Variants in RABGGTB observed in about 807,000 individuals in gnomAD.
RABGGTB encodes Rab geranylgeranyltransferase subunit beta.
A neutral mutation model predicts 44.5 loss-of-function variants in RABGGTB; 20 were observed. The observed-to-expected ratio is 0.45, with a 90% CI of 0.32 to 0.65. The LOEUF is 0.65. RABGGTB is among the 30% of genes least tolerant of loss of function. The pLI, the probability that RABGGTB is intolerant of heterozygous loss-of-function variation, is 0.05. For synonymous variants in RABGGTB, 128 were observed against 136.7 expected (o/e 0.94, Z 0.44); for missense variants, 302 against 398.7 (o/e 0.76, Z 2.06).
intron 4 of RABGGTB, 177 bp downstream of exon 4, chr1:75,790,234 A>G (rs1649613656): frequency 7.4e-7 from 1 of 1,342,460 alleles, no homozygotes. Context: ...ATCAGCATAT[A>G]CAGGAGCACT....
At position 75,792,377 on chromosome 1, in the gene RABGGTB, T is replaced by A; in HGVS notation, c.705+71T>A. The A allele has an allele frequency of 1.0e-5, 16 of 1,572,850 alleles. No homozygotes were observed. In the South Asian group the frequency reaches 1.7e-4, roughly 17 times the overall value. ...GAATGCTGCTGCTTTGTCTTGCCTG[T>A]TTCTATATTGTAAATTGGCCATGAG... On this transcript the variant is annotated intron_variant, in intron 7 of 8. Coordinates refer to ENST00000319942, the MANE Select transcript of RABGGTB (RefSeq NM_004582.4).
Position 75,792,246 on chromosome 1 carries a change from T to C in RABGGTB, c.645T>C (p.Leu215=). The C allele has an allele frequency of 6.2e-7, 1 of 1,614,144 alleles. No homozygotes were observed. The highest frequency in any genetic ancestry group is 8.5e-7 in the Non-Finnish European group (1 of 1,179,988). The stretch of plus-strand genomic sequence containing the variant: ...TGCATCAAGTAAATTCTGATTTACT[T>C]GGCTGGTGGCTTTGTGAACGACAAT... The part of the protein sequence containing the change: ...SQLHQVNSDL[L]GWWLCERQLP... Residue 215 remains leucine (L), a synonymous_variant, in exon 7 of 9, where the codon CTT becomes CTC. Coordinates refer to ENST00000319942, the MANE Select transcript of RABGGTB (RefSeq NM_004582.4).
At chr1:75,793,668 G>T (rs1383572075) in intron 7 of RABGGTB, 1 of 155,328 alleles carries the variant, frequency 6.4e-6, no homozygotes, top group East Asian at 1.9e-4. Context: ...AAGAGCAAGG[G>T]TTTAGTTGAT....
At chr1:75,791,698 A>C (rs1557481625) in intron 6 of RABGGTB, 127 bp downstream of exon 6, 1 of 771,650 alleles carries the variant, frequency 1.3e-6, no homozygotes, top group Non-Finnish European at 2.1e-6. Flanking sequence ...AGGGCATCTT[A>C]CATAAGAATT....
chr1:75,791,861 AC>A (rs1416111540), intron 6 of RABGGTB: 79 of 381,748 alleles, frequency 2.1e-4, no homozygotes, highest in African/African-American at 1.1e-3. Context: ...AAAAAAAAAA[AC>A]AACACATTTT....
At chr1:75,787,730 C>A in intron 2 of RABGGTB, 126 bp downstream of exon 2, 2 of 765,862 alleles carry the variant, frequency 2.6e-6, no homozygotes, top group Non-Finnish European at 4.4e-6. Context: ...ATGTGCTGTG[C>A]CTTTGAACTT....
At chr1:75,789,809 A>G (rs1005783878) in intron 3 of RABGGTB, 143 bp from the exon 4 acceptor site, 9 of 625,850 alleles carry the variant, frequency 1.4e-5, no homozygotes, top group African/African-American at 7.4e-5. Flanking sequence ...ATTTTATTCA[A>G]TAACAGGAGA....
chr1:75,793,985 T>C, intron 7 of RABGGTB, 99 bp from the exon 8 acceptor site: 2 of 1,002,094 alleles, frequency 2.0e-6, no homozygotes, highest in South Asian at 2.0e-5. Flanking sequence ...ACTTTGAACA[T>C]CAGATTACCT....
Position 75,789,219 on chromosome 1 carries a change from G to C in RABGGTB, c.172G>C (p.Asp58His). 1 of 1,614,058 alleles carries C rather than the reference G, an allele frequency of 6.2e-7. No individual in the cohort carries two copies. The highest frequency in any genetic ancestry group is 8.5e-7 in the Non-Finnish European group (1 of 1,179,956). ...CATCTATTGGGGTCTGACAGTAATGGATCTCATGGGACAACTTCATCGCAT... is the reference window on the plus strand; with the variant it reads ...CATCTATTGGGGTCTGACAGTAATGCATCTCATGGGACAACTTCATCGCAT... ...SGIYWGLTVM[D>H]LMGQLHRMNR... The change falls in exon 3 of 9, where the codon GAT (aspartate) becomes CAT (histidine). Residue 58 changes from aspartate (D) to histidine (H), a missense_variant. Around this residue, in one of 2 missense-constraint regions of RABGGTB, gnomAD observed 89 missense variants for 75.0 expected, o/e 1.19. Transcript: ENST00000319942.
At chr1:75,792,443 T>C (rs1251788095) in intron 7 of RABGGTB, 137 bp downstream of exon 7, 4 of 1,206,912 alleles carry the variant, frequency 3.3e-6, no homozygotes, top group South Asian at 1.7e-5. Flanking sequence ...TTCAGTAATA[T>C]ATCCTACTAA....
At chr1:75,792,002 A>T (rs1296257830) in intron 6 of RABGGTB, 179 bp from the exon 7 acceptor site, 1 of 547,230 alleles carries the variant, frequency 1.8e-6, no homozygotes, top group African/African-American at 1.9e-5. Flanking sequence ...AGAATTGCAT[A>T]CTAGTAATAG....
chr1:75,794,590 CTT>C lies in RABGGTB; in HGVS notation c.939_940del (p.Phe313LeufsTer4), dbSNP rs1557483077. ...AACAGATTAAACCTGTTAATCCTGT[CTT>C]TTGCATGCCTGAAGAAGTGCTTCAG... Reference protein sequence around the residue: ...EEQIKPVNPVFCMPEEVLQRV... With the variant: ...EEQIKPVNPVXCMPEEVLQRV... On this transcript the variant is annotated frameshift_variant, in exon 9 of 9. Transcript: ENST00000319942. LOFTEE classifies it high-confidence loss of function. 1.9e-6 allele frequency: 3 copies of C among 1,613,064 alleles called. No homozygotes were observed. The highest frequency in any genetic ancestry group is 1.3e-5 in the African/African-American group (1 of 75,000).
At chr1:75,787,996 T>A (rs556092441) in intron 2 of RABGGTB, 1 of 493,750 alleles carries the variant, frequency 2.0e-6, no homozygotes, top group South Asian at 1.5e-5. Flanking sequence ...CTTAAATTTT[T>A]AAATTTCGAG....
intron 6 of RABGGTB, chr1:75,791,798 A>G (rs1570930506): frequency 1.0e-5 from 5 of 487,566 alleles, no homozygotes; most frequent in Admixed American, 3.8e-5. Flanking sequence ...AAGTGGGTTT[A>G]TAAGCACCAA....
At position 75,790,296 on chromosome 1, in the gene RABGGTB, A is replaced by G. The variant is rs375229212; in HGVS notation, c.415+239A>G. 1.2e-4 allele frequency: 148 copies of G among 1,232,660 alleles called. 2 individuals are homozygous for G. In the Middle Eastern group the frequency reaches 2.5e-3, roughly 21 times the overall value. 76.4% of individuals were successfully genotyped at this position (1,232,660 alleles called of 1,614,324 possible). A position where few individuals can be genotyped will look rare whatever the true frequency, so the allele number is the denominator to read the frequency against. On this transcript the variant is annotated intron_variant, in intron 4 of 8. Transcript: ENST00000319942. ...TAAGGTAGGTGGAATTTTTTTCCCC[A>G]ATATTTGGTGGCTTTGTAAAGTTTT... is the stretch of plus-strand genomic sequence containing the variant.
chr1:75,791,231 G>T, intron 4 of RABGGTB, 54 bp from the exon 5 acceptor site: 2 of 1,432,290 alleles, frequency 1.4e-6, no homozygotes, highest in South Asian at 2.3e-5. Context: ...GTTTTTAGAT[G>T]ACTCATGTAT....
rs1649725230 is a variant in RABGGTB, at chr1:75,794,640, T to C, written c.986T>C (p.Leu329Pro). 1.2e-6 allele frequency: 2 copies of C among 1,606,626 alleles called. No homozygotes were observed. The highest frequency in any genetic ancestry group is 2.7e-5 in the African/African-American group (2 of 74,824). ...CAGAGAGTGAATGTTCAGCCTGAGC[T>C]AGTGAGCTAGATTCATTGAATTGAA... ...VLQRVNVQPE[L>P]VS The change falls in exon 9 of 9, where the codon CTA becomes CCA. Residue 329 changes from leucine to proline, a missense_variant. Coordinates refer to ENST00000319942, the MANE Select transcript of RABGGTB (RefSeq NM_004582.4).
At chr1:75,791,695 C>G in intron 6 of RABGGTB, 124 bp downstream of exon 6, 1 of 787,944 alleles carries the variant, frequency 1.3e-6, no homozygotes, top group Non-Finnish European at 2.0e-6. Flanking sequence ...AATAGGGCAT[C>G]TTACATAAGA....
chr1:75,794,778 A>G lies in RABGGTB; in HGVS notation c.*128A>G. 1.7e-6 allele frequency: 1 copy of G among 591,060 alleles called. No individual in the cohort carries two copies. The highest frequency in any genetic ancestry group is 2.4e-6 in the Non-Finnish European group (1 of 421,888). 36.6% of individuals were successfully genotyped at this position (591,060 alleles called of 1,614,324 possible). A position where few individuals can be genotyped will look rare whatever the true frequency, so the allele number is the denominator to read the frequency against. On this transcript the variant is annotated 3_prime_UTR_variant, in exon 9 of 9. Coordinates refer to ENST00000319942, the MANE Select transcript of RABGGTB (RefSeq NM_004582.4). ...TATTGTGTTAAATTAATTTTAATAA[A>G]TTATATAATTATACATATTGTAAAA...
Sources: gnomAD v4.1 joint callset for allele counts on GRCh38, gnomAD v4.1.1 for gene constraint, gnomAD v4.1.1 regional missense constraint, MANE v1.5 for transcripts, NCBI Gene and HGNC (gene_info 2026-07-23, HGNC 2026-07-21) for gene names.